ETV7: variants seen among roughly 807,000 people sequenced by gnomAD.
The protein encoded by ETV7 is ETS variant transcription factor 7, also known as transcription factor ETV7.
In ETV7, 43 loss-of-function variants were observed where a neutral mutation model predicts 39.1. The observed-to-expected ratio is 1.10, with a 90% CI of 0.86 to 1.42. The LOEUF is 1.42. Ranked by LOEUF, ETV7 falls within the 40% of genes most tolerant of loss-of-function variation. The pLI is 0.00. For missense variants in ETV7, 432 were observed against 442.3 expected, an observed-to-expected ratio of 0.98 and a Z score of 0.21; for synonymous variants, 196 against 176.6, an observed-to-expected ratio of 1.11 and a Z score of -0.87.
At chr6:36,387,141 G>T (rs947410108) in intron 1 of ETV7, among the ~76,000 whole-genome samples, 2 of 152,204 alleles carry the variant, frequency 1.3e-5, no homozygotes, top group African/African-American at 4.8e-5. Flanking sequence ...GAAAACCGGC[G>T]AGTGGGGAGA....
chr6:36,366,541 G>T lies in ETV7; in HGVS notation c.*104C>A. On this transcript the variant is annotated 3_prime_UTR_variant, in exon 8 of 8. Coordinates refer to ENST00000340181, the MANE Select transcript of ETV7 (RefSeq NM_016135.4). ...ATGGCTGTAATCCTGTGGGTACAGA[G>T]TCTGGCTGGGGATCCTGCTGCTCTG... The T allele has an allele frequency of 6.3e-7, 1 of 1,580,166 alleles. No individual in the cohort carries two copies.
chr6:36,376,093 A>C, intron 2 of ETV7, 58 bp from the exon 3 acceptor site: 2 of 1,495,218 alleles, frequency 1.3e-6, no homozygotes, highest in Non-Finnish European at 1.8e-6. Context: ...AAAGAAGCCC[A>C]CCCTGAACAC....
downstream of ETV7, among the ~76,000 whole-genome samples, chr6:36,364,559 G>A (rs1772649075): frequency 1.3e-5 from 2 of 152,250 alleles, no homozygotes; most frequent in Admixed American, 1.3e-4. Context: ...TCACCCGAAA[G>A]TTCAGCTGGC....
At chr6:36,383,283 C>T (rs369639215) in intron 2 of ETV7, among the ~76,000 whole-genome samples, 1 of 152,108 alleles carries the variant, frequency 6.6e-6, no homozygotes, top group African/African-American at 2.4e-5. Flanking sequence ...TGTGAATCTC[C>T]GTGAATCCCA....
At chr6:36,376,374 T>C (rs1046721682) in intron 2 of ETV7, among the ~76,000 whole-genome samples, 1 of 152,248 alleles carries the variant, frequency 6.6e-6, no homozygotes, top group African/African-American at 2.4e-5. Flanking sequence ...CTAGGCGTGC[T>C]GGAGCACACT....
At chr6:36,376,610 T>C (rs758799942) in intron 2 of ETV7, among the ~76,000 whole-genome samples, 3 of 152,002 alleles carry the variant, frequency 2.0e-5, no homozygotes, top group Non-Finnish European at 2.9e-5. Flanking sequence ...ACCCCATCTC[T>C]ACTAAAAATA....
downstream of ETV7, chr6:36,366,164 A>G (rs904803500): frequency 5.0e-6 from 5 of 997,890 alleles, no homozygotes; most frequent in Admixed American, 5.3e-5. Flanking sequence ...ACAGCGCAAG[A>G]CTGTCTCAAA....
downstream of ETV7, among the ~76,000 whole-genome samples, chr6:36,362,984 G>C (rs1772555607): frequency 6.6e-6 from 1 of 152,244 alleles, no homozygotes. Context: ...GTGGCTTCAG[G>C]AGCGAAGAAG....
chr6:36,381,434 A>G (rs1773647910), intron 2 of ETV7, among the ~76,000 whole-genome samples: 1 of 152,194 alleles, frequency 6.6e-6, no homozygotes, highest in Non-Finnish European at 1.5e-5. Context: ...CAGATAATAA[A>G]TACGGTATGC....
chr6:36,361,269 G>A (rs981924261), downstream of ETV7, among the ~76,000 whole-genome samples: 32 of 152,264 alleles, frequency 2.1e-4, no homozygotes, highest in Admixed American at 3.3e-4. Flanking sequence ...GAGGGAGCTC[G>A]CCAGCAGCGC....
chr6:36,382,193 ATTTT>A (rs1435916942), intron 2 of ETV7, among the ~76,000 whole-genome samples: 9 of 152,282 alleles, frequency 5.9e-5, no homozygotes, highest in Non-Finnish European at 2.9e-5. Flanking sequence ...AACAAATAAT[ATTTT>A]GTACCCACAC....
chr6:36,362,764 C>A (rs983611502), downstream of ETV7, among the ~76,000 whole-genome samples: 1 of 152,202 alleles, frequency 6.6e-6, no homozygotes, highest in South Asian at 2.1e-4. Flanking sequence ...TTCATGCCTG[C>A]TCTCCTAGTA....
chr6:36,371,546 AG>A lies in ETV7; in HGVS notation c.447del (p.Ser150LeufsTer123), dbSNP rs1345439385. ...SPVPPEEVTGPSQMDTRRGHL... is the reference protein window; with the variant it reads ...SPVPPEEVTGXSQMDTRRGHL... The stretch of plus-strand genomic sequence containing the variant: ...TGGCCCCTTCGGGTGTCCATCTGAG[AG>A]GGGCCAGTCACCTCTGCAAGCAGAT... On this transcript the variant is annotated frameshift_variant, in exon 5 of 8. Transcript: ENST00000340181. LOFTEE classifies it high-confidence loss of function. 6.3e-7 allele frequency: 1 copy of A among 1,593,344 alleles called. No homozygotes were observed. Among genetic ancestry groups the A allele is most frequent in the Admixed American group, 1.8e-5 (1 of 56,746 alleles).
chr6:36,375,181 G>T (rs377751518), intron 3 of ETV7, among the ~76,000 whole-genome samples: 2 of 152,256 alleles, frequency 1.3e-5, no homozygotes, highest in African/African-American at 4.8e-5. Context: ...TACACTGTGG[G>T]CTTGCTTGGC....
At chr6:36,370,235 G>C (rs1159592226) in intron 5 of ETV7, among the ~76,000 whole-genome samples, 1 of 152,076 alleles carries the variant, frequency 6.6e-6, no homozygotes, top group Non-Finnish European at 1.5e-5. Flanking sequence ...AGCCAGGGTG[G>C]AAAAAACTAC....
At chr6:36,368,856 T>C in intron 6 of ETV7, 73 bp downstream of exon 6, 1 of 1,599,166 alleles carries the variant, frequency 6.3e-7, no homozygotes, top group South Asian at 1.1e-5. Context: ...CCCATAGTGC[T>C]AGGGGTCCAC....
chr6:36,374,492 C>T (rs1022873803), intron 3 of ETV7, among the ~76,000 whole-genome samples: 1 of 152,182 alleles, frequency 6.6e-6, no homozygotes, highest in Non-Finnish European at 1.5e-5. Flanking sequence ...GGATCCCAGG[C>T]AGCCAGAGGG....
At chr6:36,356,210 G>A (rs1582155265) in intron 7 of ETV7, among the ~76,000 whole-genome samples, 1 of 149,828 alleles carries the variant, frequency 6.7e-6, no homozygotes, top group East Asian at 2.0e-4. Context: ...AAGGCAGGTG[G>A]ATTGCATTGA....
intron 2 of ETV7, among the ~76,000 whole-genome samples, chr6:36,378,828 C>T (rs1029893048): frequency 2.0e-5 from 3 of 152,128 alleles, no homozygotes; most frequent in African/African-American, 7.2e-5. Context: ...CAAATGTCCC[C>T]GGGGGGAAAG....
Sources: allele counts gnomAD v4.1 joint callset (sites outside exome capture counted in the v4.1 genomes callset), GRCh38; gene constraint gnomAD v4.1.1; transcripts MANE v1.5; gene names NCBI Gene and HGNC (gene_info 2026-07-23, HGNC 2026-07-21).